Variants in UGT2B15 observed in about 807,000 individuals in gnomAD.
UGT2B15 encodes the protein UDP-glucuronosyltransferase 2B15.
In UGT2B15, 36 loss-of-function variants were observed where a neutral mutation model predicts 45.9. The ratio of observed to expected loss-of-function variants is 0.78; its 90% confidence interval spans 0.60 to 1.04. The LOEUF is 1.04. UGT2B15 is among the 50% of genes least tolerant of loss of function. UGT2B15 has a pLI of 0.00. For missense variants in UGT2B15, 617 were observed against 622.4 expected (o/e 0.99, Z 0.09); for synonymous variants, 219 against 216.4 (o/e 1.01, Z -0.11).
intron 5 of UGT2B15, among the ~76,000 whole-genome samples, chr4:68,651,958 T>C (rs1732668466): frequency 1.3e-5 from 2 of 152,102 alleles, no homozygotes; most frequent in South Asian, 4.1e-4. Flanking sequence ...ATAAAATACT[T>C]TGGGCAGCAT....
At chr4:68,660,765 C>A (rs1251322971) in intron 3 of UGT2B15, among the ~76,000 whole-genome samples, 1 of 151,774 alleles carries the variant, frequency 6.6e-6, no homozygotes, top group Admixed American at 6.6e-5. Context: ...CCTCCCTTTC[C>A]ACCATTTTTC....
chr4:68,663,771 AC>A (rs1034553883), intron 2 of UGT2B15, among the ~76,000 whole-genome samples: 4 of 28,058 alleles, frequency 1.4e-4, no homozygotes, highest in African/African-American at 5.3e-4. Context: ...CGACACCCCC[AC>A]CCCCCAAAAA....
chr4:68,649,273 C>CTTTTTTTTTTTTTTTTT (rs71218976), intron 5 of UGT2B15, among the ~76,000 whole-genome samples: 1 of 93,260 alleles, frequency 1.1e-5, no homozygotes, highest in African/African-American at 4.1e-5. Context: ...TTCATATAAT[C>CTTTTTTTTTTTTTTTTT]TTTTTTTTTT....
chr4:68,659,665 C>T (rs1732905789), intron 3 of UGT2B15, among the ~76,000 whole-genome samples: 1 of 151,912 alleles, frequency 6.6e-6, no homozygotes, highest in Admixed American at 6.6e-5. Context: ...TTGTCCTCCA[C>T]AGACAATTGT....
In UGT2B15 at chr4:68,670,543, C is replaced by T. The variant is rs749164846; in HGVS notation, c.76G>A (p.Val26Met). Residue 26 changes from valine (V) to methionine (M), a missense_variant, in exon 1 of 6, where the codon GTG (valine) becomes ATG (methionine). Val to Met is a conservative substitution (Grantham distance 21, BLOSUM62 1). Transcript: ENST00000338206. ...CYFSSGSCGK[V>M]LVWPTEYSHW... ...CTGTATTCTGTGGGCCACACTAGCA[C>T]CTTTCCACAGCTTCCAGAGCTAAAG... is the stretch of plus-strand genomic sequence containing the variant. 1.2e-6 allele frequency: 2 copies of T among 1,608,184 alleles called. No homozygotes were observed. Among genetic ancestry groups the T allele is most frequent in the Non-Finnish European group, 1.7e-6 (2 of 1,178,826 alleles).
At position 68,670,115 on chromosome 4, in the gene UGT2B15, G is replaced by A. The variant is rs1371040151; in HGVS notation, c.504C>T (p.Pro168=). 5.0e-6 allele frequency: 8 copies of A among 1,614,102 alleles called. No individual in the cohort carries two copies. The highest frequency in any genetic ancestry group is 1.7e-4 in the Middle Eastern group (1 of 6,060). ...CAGAGAATCGAAGACTGTACAGAAA[G>A]GGTATGTTAAATAGTTCAGCCAGTA... ...GELLAELFNI[P]FLYSLRFSVG... is the part of the protein sequence containing the mutation. Residue 168 remains proline (P), a synonymous_variant, in exon 1 of 6, where the codon CCC becomes CCT. Transcript: ENST00000338206.
chr4:68,660,879 A>G (rs1732944290), intron 3 of UGT2B15, among the ~76,000 whole-genome samples: 1 of 151,864 alleles, frequency 6.6e-6, no homozygotes, highest in Non-Finnish European at 1.5e-5. Flanking sequence ...CAATTTACAT[A>G]CATAATCCAC....
intron 3 of UGT2B15, among the ~76,000 whole-genome samples, chr4:68,658,274 A>C (rs1414791538): frequency 6.6e-6 from 1 of 151,128 alleles, no homozygotes; most frequent in African/African-American, 2.4e-5. Context: ...AATTGGCTTA[A>C]GAAAATAAAA....
chr4:68,656,738 C>T (rs1308406587), intron 3 of UGT2B15, among the ~76,000 whole-genome samples: 1 of 152,050 alleles, frequency 6.6e-6, no homozygotes, highest in Non-Finnish European at 1.5e-5. Flanking sequence ...AGAACAAAGG[C>T]ACCACTCACC....
intron 4 of UGT2B15, among the ~76,000 whole-genome samples, chr4:68,654,530 C>T (rs964869424): frequency 6.6e-6 from 1 of 151,452 alleles, no homozygotes; most frequent in Non-Finnish European, 1.5e-5. Context: ...AATGAGGTCA[C>T]ATTTACATAT....
chr4:68,649,273 C>CTTTTTTTTTTTTTTT lies in UGT2B15; in HGVS notation c.1314-1905_1314-1891dup, dbSNP rs71218976. 2.1e-5 allele frequency among the ~76,000 whole-genome samples: 2 copies of CTTTTTTTTTTTTTTT among 93,260 alleles called. 1 individual carries two copies. The highest frequency in any genetic ancestry group is 8.2e-5 in the African/African-American group (2 of 24,294). The allele number at this position is 93,260 out of a possible 152,430, so 61.2% of individuals were successfully genotyped here. ...AATTCAGGTAACTATTTCATATAATCTTTTTTTTTTTTTTTTTTTTTTTTT... is the reference window on the plus strand; with the variant it reads ...AATTCAGGTAACTATTTCATATAATCTTTTTTTTTTTTTTTTTTTTTTTTTTTTTTTTTTTTTTTT... On this transcript the variant is annotated intron_variant, in intron 5 of 5. Transcript: ENST00000338206.
chr4:68,657,995 T>C (rs1273615172), intron 3 of UGT2B15, among the ~76,000 whole-genome samples: 2 of 152,122 alleles, frequency 1.3e-5, no homozygotes, highest in Non-Finnish European at 2.9e-5. Flanking sequence ...CTGTACCTTA[T>C]GATGTAAATT....
Position 68,646,652 on chromosome 4 carries a change from C to G in UGT2B15, c.*452G>C, listed in dbSNP as rs1222167654. On this transcript the variant is annotated 3_prime_UTR_variant, in exon 6 of 6. Coordinates refer to ENST00000338206, the MANE Select transcript of UGT2B15 (RefSeq NM_001076.4). ...TCTTTTTTTTTTATGGCTTGGATGA[C>G]ACTTTATTTTCAGATCCAATACTAG... 1 of 148,520 alleles carries G rather than the reference C, an allele frequency of 6.7e-6. No individual in the cohort carries two copies. Among genetic ancestry groups the G allele is most frequent in the African/African-American group, 2.5e-5 (1 of 40,064 alleles). 9.2% of individuals were successfully genotyped at this position (148,520 alleles called of 1,614,324 possible).
Position 68,670,319 on chromosome 4 carries a change from A to T in UGT2B15, c.300T>A (p.Gly100=), listed in dbSNP as rs1455314526. 6.2e-7 allele frequency: 1 copy of T among 1,613,926 alleles called. No individual in the cohort carries two copies. Among genetic ancestry groups the T allele is most frequent in the African/African-American group, 1.3e-5 (1 of 75,034 alleles). ...LLKILDRWIY[G]VSKNTFWSYF... ...ATGACCAAAATGTATTTTTTGAAAC[A>T]CCATATATCCATCTATCGAGAATTT... The change falls in exon 1 of 6, where the codon GGT becomes GGA. Residue 100 remains glycine (G), a synonymous_variant. Coordinates refer to ENST00000338206, the MANE Select transcript of UGT2B15 (RefSeq NM_001076.4).
intron 2 of UGT2B15, among the ~76,000 whole-genome samples, chr4:68,666,648 G>A (rs1383265051): frequency 6.6e-6 from 1 of 151,294 alleles, no homozygotes; most frequent in Non-Finnish European, 1.5e-5. Flanking sequence ...TTTTTTAAAA[G>A]GAAATCTGAT....
At chr4:68,668,471 A>C (rs1416688003) in intron 1 of UGT2B15, among the ~76,000 whole-genome samples, 8 of 152,034 alleles carry the variant, frequency 5.3e-5, no homozygotes, top group Non-Finnish European at 1.0e-4. Context: ...ACAATCATAA[A>C]TAATTATTAA....
intron 3 of UGT2B15, among the ~76,000 whole-genome samples, chr4:68,659,971 T>G (rs1275770262): frequency 6.6e-6 from 1 of 151,252 alleles, no homozygotes; most frequent in Non-Finnish European, 1.5e-5. Flanking sequence ...TTTTGAGCTA[T>G]TAACAGCTTT....
chr4:68,663,641 A>T (rs1733029007), intron 2 of UGT2B15, among the ~76,000 whole-genome samples: 2 of 151,960 alleles, frequency 1.3e-5, no homozygotes, highest in Admixed American at 1.3e-4. Context: ...ATTGAGGAAA[A>T]GTTAGTTACA....
chr4:68,648,150 A>T (rs1400318046), intron 5 of UGT2B15, among the ~76,000 whole-genome samples: 1 of 152,088 alleles, frequency 6.6e-6, no homozygotes, highest in Non-Finnish European at 1.5e-5. Context: ...TATTTTCCAA[A>T]TTAATATCAA....
Sources: gnomAD v4.1 joint callset for allele counts (sites outside exome capture counted in the v4.1 genomes callset) on GRCh38, gnomAD v4.1.1 for gene constraint, MANE v1.5 for transcripts, NCBI Gene and HGNC (gene_info 2026-07-23, HGNC 2026-07-21) for gene names.